Variants in KIF18A observed in about 807,000 individuals in gnomAD.
KIF18A encodes kinesin-like protein KIF18A.
In KIF18A, 67 loss-of-function variants were observed where a neutral mutation model predicts 103.3. The ratio of observed to expected loss-of-function variants is 0.65; its 90% CI spans 0.53 to 0.79. KIF18A has a LOEUF of 0.79. Among genes scored for constraint, KIF18A ranks in the 30% least tolerant of loss-of-function variants. The probability of loss-of-function intolerance (pLI) is 0.00; values close to 1 mark genes in which losing one functional copy is unlikely to be tolerated. For synonymous variants in KIF18A, 367 were observed against 355.5 expected (o/e 1.03, Z -0.36); for missense variants, 1,032 against 1,062.5 (o/e 0.97, Z 0.40).
At chr11:28,103,444 A>C (rs1400213291) in intron 1 of KIF18A, among the ~76,000 whole-genome samples, 1 of 152,094 alleles carries the variant, frequency 6.6e-6, no homozygotes, top group Non-Finnish European at 1.5e-5. Flanking sequence ...AAAAAGAAGA[A>C]TGAAGGGGCT....
chr11:28,042,294 A>C (rs1014530809), intron 13 of KIF18A, among the ~76,000 whole-genome samples: 1 of 151,850 alleles, frequency 6.6e-6, no homozygotes, highest in African/African-American at 2.4e-5. Flanking sequence ...GGTAAGATTT[A>C]AGTTGGTAGA....
chr11:28,042,883 T>C (rs1281785182), intron 13 of KIF18A, among the ~76,000 whole-genome samples: 1 of 151,870 alleles, frequency 6.6e-6, no homozygotes, highest in Non-Finnish European at 1.5e-5. Context: ...ATTAGAGGAC[T>C]TTCTAAAGAG....
At chr11:28,040,326 C>G (rs1386099911) in intron 13 of KIF18A, among the ~76,000 whole-genome samples, 1 of 151,586 alleles carries the variant, frequency 6.6e-6, no homozygotes. Flanking sequence ...CTGTACTTTT[C>G]CATTAGAGGA....
intron 1 of KIF18A, among the ~76,000 whole-genome samples, chr11:28,098,699 GA>G (rs915887276): frequency 2.0e-5 from 3 of 152,040 alleles, no homozygotes; most frequent in Non-Finnish European, 2.9e-5. Context: ...CAAGTTTAAG[GA>G]ATCAATGATA....
chr11:28,100,369 G>A (rs906601526), intron 1 of KIF18A, among the ~76,000 whole-genome samples: 2 of 151,992 alleles, frequency 1.3e-5, no homozygotes, highest in Middle Eastern at 3.2e-3. Flanking sequence ...AGGAAACAGC[G>A]ATCTATTGTG....
At chr11:28,107,765 C>G (rs1021687264) in intron 1 of KIF18A, among the ~76,000 whole-genome samples, 1 of 152,164 alleles carries the variant, frequency 6.6e-6, no homozygotes, top group African/African-American at 2.4e-5. Flanking sequence ...AAGTTCTCTG[C>G]CAGTCTGGGA....
chr11:28,064,132 G>GA (rs1357110463), intron 11 of KIF18A, among the ~76,000 whole-genome samples: 2 of 150,790 alleles, frequency 1.3e-5, no homozygotes, highest in Admixed American at 6.6e-5. Context: ...TATACTTCAA[G>GA]AAATATAGTA....
At chr11:28,029,145 T>C (rs958015615) in intron 15 of KIF18A, among the ~76,000 whole-genome samples, 2 of 152,058 alleles carry the variant, frequency 1.3e-5, no homozygotes, top group African/African-American at 4.8e-5. Flanking sequence ...TTTCAATCTA[T>C]AGAAAAAGAG....
intron 12 of KIF18A, among the ~76,000 whole-genome samples, chr11:28,061,114 TCCTAGGCA>T (rs1850851369): frequency 6.6e-6 from 1 of 152,192 alleles, no homozygotes; most frequent in African/African-American, 2.4e-5. Context: ...CTGAAAGTAG[TCCTAGGCA>T]CCTATAACAC....
In KIF18A at chr11:28,023,375, A is replaced by G. The variant is rs890463294; in HGVS notation, c.2614+366T>C. On this transcript the variant is annotated intron_variant, in intron 16 of 16. Transcript: ENST00000263181. The stretch of plus-strand genomic sequence containing the variant: ...TTCAAAATATTACGCTAAGAGAAAA[A>G]TTTAAAGTGGGTATAGTTTATCTGC... Among the ~76,000 whole-genome samples the G allele has an allele frequency of 3.9e-5, 6 of 152,202 alleles. No homozygotes were observed. The East Asian group carries it at 1.2e-3, about 29-fold the overall frequency.
intron 13 of KIF18A, among the ~76,000 whole-genome samples, chr11:28,046,552 A>G (rs1590674033): frequency 2.4e-5 from 2 of 85,020 alleles, no homozygotes; most frequent in African/African-American, 4.7e-5. Context: ...GTTGTGGGGT[A>G]GGGGGAGGGG....
chr11:28,076,152 T>A (rs1254463745), intron 10 of KIF18A, among the ~76,000 whole-genome samples: 1 of 152,044 alleles, frequency 6.6e-6, no homozygotes, highest in East Asian at 1.9e-4. Flanking sequence ...TAATCAAAGT[T>A]AGAAGAGTGG....
At chr11:28,056,923 G>T in intron 13 of KIF18A, 1 of 394,028 alleles carries the variant, frequency 2.5e-6, no homozygotes, top group South Asian at 1.8e-5. Context: ...GGAGTGAGGG[G>T]CTAATAAACA....
rs191668491 is a variant in KIF18A at position 28,083,690 on chromosome 11, A to G, written c.1075-447T>C. Among the ~76,000 whole-genome samples the G allele has an allele frequency of 3.3e-5, 5 of 152,198 alleles. No homozygotes were observed. In the East Asian group the frequency reaches 7.7e-4, roughly 24 times the overall value. On this transcript the variant is annotated intron_variant, in intron 7 of 16. Transcript: ENST00000263181. ...AATACTTGATATTGAGACCTTGCCT[A>G]CTTCTCACTTAACCTGACTTAGAAT... is the stretch of plus-strand genomic sequence containing the variant.
chr11:28,040,291 G>T (rs531702489), intron 13 of KIF18A, among the ~76,000 whole-genome samples: 1 of 151,702 alleles, frequency 6.6e-6, no homozygotes, highest in African/African-American at 2.4e-5. Context: ...GGATATGTTA[G>T]GTCTATGTCT....
chr11:28,028,734 C>A (rs1850354141), intron 15 of KIF18A, among the ~76,000 whole-genome samples: 1 of 151,982 alleles, frequency 6.6e-6, no homozygotes, highest in Non-Finnish European at 1.5e-5. Flanking sequence ...ATCAATGAAT[C>A]CAGGAGCTGG....
In KIF18A at chr11:28,024,769, G is replaced by C. The variant is rs72874500; in HGVS notation, c.2505-919C>G. On this transcript the variant is annotated intron_variant, in intron 15 of 16. Coordinates refer to ENST00000263181, the MANE Select transcript of KIF18A (RefSeq NM_031217.4). Reference sequence around the variant, plus strand: ...ATTTTTAACAGGTAGGATTGGGGGGGGTTGGGTGGAAAAAGAACATCCTTC... The same window carrying C: ...ATTTTTAACAGGTAGGATTGGGGGGCGTTGGGTGGAAAAAGAACATCCTTC... 8.3e-3 allele frequency among the ~76,000 whole-genome samples: 1,266 copies of C among 151,924 alleles called. 17 individuals are homozygous for C. Among genetic ancestry groups the C allele is most frequent in the Non-Finnish European group, 9.0e-3 (610 of 67,896 alleles).
intron 13 of KIF18A, among the ~76,000 whole-genome samples, chr11:28,048,082 A>T (rs1010007833): frequency 2.0e-4 from 31 of 152,014 alleles, no homozygotes. Context: ...AGGAAGAGGC[A>T]GTTAATTCAG....
intron 14 of KIF18A, among the ~76,000 whole-genome samples, chr11:28,035,810 C>G (rs1850477974): frequency 6.6e-6 from 1 of 151,508 alleles, no homozygotes; most frequent in Non-Finnish European, 1.5e-5. Context: ...GACACACATT[C>G]AACCATACTT....
Sources: allele counts gnomAD v4.1 joint callset (sites outside exome capture counted in the v4.1 genomes callset), GRCh38; gene constraint gnomAD v4.1.1; transcripts MANE v1.5; gene names NCBI Gene and HGNC (gene_info 2026-07-23, HGNC 2026-07-21).